The following SMYD3 variants were observed in gnomAD, a reference collection of about 807,000 sequenced individuals.
SMYD3 encodes SET and MYND domain containing 3.
A neutral mutation model predicts 57.7 loss-of-function variants in SMYD3; 36 were observed. That is an observed-to-expected ratio of 0.62 (90% confidence interval 0.48 to 0.82). The LOEUF is 0.82. SMYD3 is among the 40% of genes least tolerant of loss of function. The probability of loss-of-function intolerance (pLI) is 0.00; values close to 1 mark genes in which losing one functional copy is unlikely to be tolerated. For synonymous variants in SMYD3, 211 were observed against 195.0 expected (o/e 1.08, Z -0.68); for missense variants, 515 against 538.8 (o/e 0.96, Z 0.44).
intron 5 of SMYD3, among the ~76,000 whole-genome samples, chr1:246,166,306 T>C (rs2062209609): frequency 6.6e-6 from 1 of 152,096 alleles, no homozygotes; most frequent in Non-Finnish European, 1.5e-5. Flanking sequence ...GAAAAAAAGG[T>C]ACATGTTTGT....
intron 1 of SMYD3, among the ~76,000 whole-genome samples, chr1:246,392,742 C>T (rs1006609013): frequency 6.6e-6 from 1 of 151,064 alleles, no homozygotes; most frequent in Non-Finnish European, 1.5e-5. Flanking sequence ...GCCCACCATG[C>T]CTGGCCTTGA....
intron 5 of SMYD3, among the ~76,000 whole-genome samples, chr1:246,256,825 A>G (rs1391796072): frequency 6.6e-6 from 1 of 152,152 alleles, no homozygotes; most frequent in East Asian, 1.9e-4. Context: ...ATTTCCTCTT[A>G]ACACTACTTT....
rs557341272 is a variant in SMYD3, at chr1:245,928,114, C to T, written c.600-81G>A. On this transcript the variant is annotated intron_variant, in intron 6 of 11. Transcript: ENST00000490107. ...TTTAACAAATGCAGTGGGTAAAATA[C>T]ACCTTCCTTTGGGGGGCAGCAGCAG... 1.3e-5 allele frequency: 14 copies of T among 1,107,056 alleles called. No homozygotes were observed. In the East Asian group the frequency reaches 1.3e-4, roughly 10 times the overall value. 68.6% of individuals were successfully genotyped at this position (1,107,056 alleles called of 1,614,324 possible). A position where few individuals can be genotyped will look rare whatever the true frequency, so the allele number is the denominator to read the frequency against.
At chr1:246,448,077 C>T (rs1417258498) in intron 1 of SMYD3, among the ~76,000 whole-genome samples, 2 of 152,150 alleles carry the variant, frequency 1.3e-5, no homozygotes, top group Non-Finnish European at 1.5e-5. Flanking sequence ...ATTAGCCAGG[C>T]GTGGTGGCGC....
chr1:245,765,532 C>T (rs2046050539), intron 10 of SMYD3, among the ~76,000 whole-genome samples: 1 of 152,136 alleles, frequency 6.6e-6, no homozygotes, highest in Non-Finnish European at 1.5e-5. Context: ...CCTAGATGTC[C>T]AGTTCAAGTT....
chr1:245,947,693 A>G (rs1572763223), intron 5 of SMYD3, among the ~76,000 whole-genome samples: 1 of 152,320 alleles, frequency 6.6e-6, no homozygotes, highest in South Asian at 2.1e-4. Context: ...AGCTTAGTAA[A>G]TGGTAGCAAG....
intron 5 of SMYD3, among the ~76,000 whole-genome samples, chr1:246,224,339 G>T (rs960131977): frequency 6.6e-6 from 1 of 152,042 alleles, no homozygotes; most frequent in African/African-American, 2.4e-5. Flanking sequence ...ACAGGAATTA[G>T]CAACTGCAAG....
chr1:246,204,004 A>T (rs555708551), intron 5 of SMYD3, among the ~76,000 whole-genome samples: 1 of 152,324 alleles, frequency 6.6e-6, no homozygotes, highest in South Asian at 2.1e-4. Flanking sequence ...AGAGAGTACC[A>T]GTGCCTGCTA....
chr1:246,219,488 C>A (rs1202194727), intron 5 of SMYD3, among the ~76,000 whole-genome samples: 2 of 152,144 alleles, frequency 1.3e-5, no homozygotes, highest in Non-Finnish European at 2.9e-5. Flanking sequence ...AAACTCCCTG[C>A]ATTTATCATC....
intron 1 of SMYD3, among the ~76,000 whole-genome samples, chr1:246,432,613 C>A (rs2067313392): frequency 6.6e-6 from 1 of 152,196 alleles, no homozygotes; most frequent in South Asian, 2.1e-4. Context: ...TTTAAATATA[C>A]TGGAAGACTT....
At chr1:245,969,264 C>T (rs879631307) in intron 5 of SMYD3, among the ~76,000 whole-genome samples, 25 of 152,208 alleles carry the variant, frequency 1.6e-4, no homozygotes, top group Non-Finnish European at 7.3e-5. Context: ...GTGGCTAGAA[C>T]ATAAAAGATA....
At chr1:246,099,228 A>C (rs1203675839) in intron 5 of SMYD3, among the ~76,000 whole-genome samples, 1 of 152,206 alleles carries the variant, frequency 6.6e-6, no homozygotes, top group Admixed American at 6.5e-5. Flanking sequence ...ACTTTGTTTC[A>C]TGGCCGGCTG....
intron 5 of SMYD3, among the ~76,000 whole-genome samples, chr1:246,251,356 T>C (rs1003052251): frequency 2.0e-5 from 3 of 152,240 alleles, no homozygotes; most frequent in Non-Finnish European, 4.4e-5. Context: ...GAGTGTTATT[T>C]TGTAATCGGG....
intron 5 of SMYD3, among the ~76,000 whole-genome samples, chr1:246,101,063 G>GTTTTTTTTTTTTTTTTTTTT (rs1558228762): frequency 1.1e-5 from 1 of 93,006 alleles, no homozygotes; most frequent in African/African-American, 3.2e-5. Flanking sequence ...TATTTTTAGG[G>GTTTTTTTTTTTTTTTTTTTT]GTTTTTTGTT....
intron 8 of SMYD3, among the ~76,000 whole-genome samples, chr1:245,875,568 T>A (rs764460832): frequency 1.3e-5 from 2 of 152,238 alleles, no homozygotes; most frequent in African/African-American, 4.8e-5. Flanking sequence ...TGATATCTGA[T>A]GAAGTTCCTC....
chr1:246,432,963 T>A (rs978563737), intron 1 of SMYD3, among the ~76,000 whole-genome samples: 1 of 152,140 alleles, frequency 6.6e-6, no homozygotes, highest in African/African-American at 2.4e-5. Flanking sequence ...TTTCTGGAAG[T>A]CCTAGCCAGA....
At chr1:246,206,677 C>T (rs2148380202) in intron 5 of SMYD3, among the ~76,000 whole-genome samples, 1 of 152,282 alleles carries the variant, frequency 6.6e-6, no homozygotes, top group Non-Finnish European at 1.5e-5. Flanking sequence ...GAACTTCTAA[C>T]TCAGCATCTT....
At chr1:246,347,280 GAGA>G (rs777869997) in intron 2 of SMYD3, among the ~76,000 whole-genome samples, 2 of 152,176 alleles carry the variant, frequency 1.3e-5, no homozygotes, top group African/African-American at 4.8e-5. Flanking sequence ...AATAATGACT[GAGA>G]AGTTCTCCCA....
chr1:246,239,211 T>C (rs2063561193), intron 5 of SMYD3, among the ~76,000 whole-genome samples: 1 of 152,226 alleles, frequency 6.6e-6, no homozygotes, highest in South Asian at 2.1e-4. Flanking sequence ...ACTCATCATT[T>C]ACATTAGGTA....
Sources: gnomAD v4.1 joint callset for allele counts (sites outside exome capture counted in the v4.1 genomes callset) on GRCh38, gnomAD v4.1.1 for gene constraint, MANE v1.5 for transcripts, NCBI Gene and HGNC (gene_info 2026-07-23, HGNC 2026-07-21) for gene names.